Variants in MCTP1 observed in about 807,000 individuals in gnomAD.
MCTP1 encodes the protein multiple C2 and transmembrane domain-containing protein 1.
Under a neutral mutation model 120.6 loss-of-function variants are expected in MCTP1, and 69 were observed. That is an observed-to-expected ratio of 0.57 (90% confidence interval 0.47 to 0.70). The LOEUF (loss-of-function observed/expected upper bound fraction) is 0.70. Ranked by LOEUF, MCTP1 falls within the 30% of genes least tolerant of loss-of-function variation. The pLI is 0.00. For missense variants in MCTP1, 1,203 were observed against 1,248.8 expected, an observed-to-expected ratio of 0.96 and a Z score of 0.55; for synonymous variants, 529 against 493.1, an observed-to-expected ratio of 1.07 and a Z score of -0.96.
chr5:95,182,026 T>C (rs1473030684), intron 1 of MCTP1, among the ~76,000 whole-genome samples: 1 of 151,894 alleles, frequency 6.6e-6, no homozygotes, highest in Non-Finnish European at 1.5e-5. Flanking sequence ...AAACAACAAA[T>C]GATAACACAA....
chr5:94,728,286 A>C (rs1403097421), intron 19 of MCTP1, among the ~76,000 whole-genome samples: 1 of 152,202 alleles, frequency 6.6e-6, no homozygotes, highest in African/African-American at 2.4e-5. Flanking sequence ...CTATTGGTTT[A>C]ACAGGATAAA....
intron 17 of MCTP1, chr5:94,826,376 G>A: frequency 1.7e-6 from 1 of 595,112 alleles, no homozygotes; most frequent in South Asian, 1.6e-5. Context: ...AGCTGCAACA[G>A]CTTTCAGACC....
intron 1 of MCTP1, among the ~76,000 whole-genome samples, chr5:95,190,005 A>G (rs1320672803): frequency 2.0e-5 from 3 of 152,138 alleles, no homozygotes; most frequent in African/African-American, 4.8e-5. Flanking sequence ...GGAGAGACGT[A>G]TATATATGCA....
At chr5:95,269,140 A>G (rs1759156352) in intron 1 of MCTP1, among the ~76,000 whole-genome samples, 1 of 152,228 alleles carries the variant, frequency 6.6e-6, no homozygotes, top group Admixed American at 6.5e-5. Flanking sequence ...TAATGTCTGC[A>G]AATCAATTAA....
rs114363703 is a variant in MCTP1 at position 95,079,739 on chromosome 5, T to C, written c.721-62255A>G. Among the ~76,000 whole-genome samples the C allele has an allele frequency of 6.9e-3, 1,044 of 152,036 alleles. 10 individuals are homozygous for C. Among genetic ancestry groups the C allele is most frequent in the African/African-American group, 0.023 (944 of 41,554 alleles). ...ATTTAATAAAAAATATTTTATATTT[T>C]TTATTAAAATAAATGGTGATCATGT... On this transcript the variant is annotated intron_variant, in intron 1 of 22. Coordinates refer to ENST00000515393, the MANE Select transcript of MCTP1 (RefSeq NM_024717.7).
intron 17 of MCTP1, among the ~76,000 whole-genome samples, chr5:94,828,218 C>G (rs994835154): frequency 7.9e-5 from 12 of 152,240 alleles, no homozygotes; most frequent in African/African-American, 2.9e-4. Context: ...TCAGGCTCCT[C>G]TTCTGCAGGT....
chr5:94,986,012 T>C (rs899042839), intron 2 of MCTP1, among the ~76,000 whole-genome samples: 1 of 152,188 alleles, frequency 6.6e-6, no homozygotes, highest in Non-Finnish European at 1.5e-5. Flanking sequence ...TGTTTGTGAT[T>C]GACATATGGA....
chr5:95,156,118 G>A (rs1031453958), intron 1 of MCTP1, among the ~76,000 whole-genome samples: 1 of 152,286 alleles, frequency 6.6e-6, no homozygotes, highest in Admixed American at 6.5e-5. Context: ...GCTTGGAAGA[G>A]GACTCTGAAC....
intron 1 of MCTP1, among the ~76,000 whole-genome samples, chr5:95,119,318 G>A (rs1758037157): frequency 1.3e-5 from 2 of 152,030 alleles, no homozygotes; most frequent in Admixed American, 6.5e-5. Flanking sequence ...GAAAGAAAAT[G>A]GAAAAATTTA....
intron 19 of MCTP1, among the ~76,000 whole-genome samples, chr5:94,733,793 G>A (rs575186211): frequency 1.3e-4 from 19 of 151,920 alleles, no homozygotes; most frequent in South Asian, 2.1e-4. Context: ...GTGAAACCCC[G>A]TCTCTACTAA....
chr5:94,868,282 T>A, intron 17 of MCTP1, 51 bp downstream of exon 17: 1 of 1,510,200 alleles, frequency 6.6e-7, no homozygotes. Flanking sequence ...CATGCAGCTA[T>A]GATTACTGAA....
intron 19 of MCTP1, among the ~76,000 whole-genome samples, chr5:94,764,821 C>A: frequency 7.7e-6 from 1 of 130,560 alleles, no homozygotes. Flanking sequence ...GGATAGATGA[C>A]CTGGACCAAA....
intron 1 of MCTP1, among the ~76,000 whole-genome samples, chr5:95,183,865 C>G (rs996795226): frequency 3.9e-5 from 6 of 152,142 alleles, no homozygotes; most frequent in African/African-American, 1.4e-4. Flanking sequence ...AAACTTGCTA[C>G]AGTGTTCTTT....
rs35673869 is a variant in MCTP1, at chr5:95,104,128, G to A, written c.721-86644C>T. Among the ~76,000 whole-genome samples the A allele has an allele frequency of 4.5e-3, 689 of 152,194 alleles. 3 individuals are homozygous for A. Among genetic ancestry groups the A allele is most frequent in the Non-Finnish European group, 7.2e-3 (488 of 68,010 alleles). ...AATACAATTACTTATTCTATAACCTGAGCCCAACAGAATTAAATCATAAGC... is the reference window on the plus strand; with the variant it reads ...AATACAATTACTTATTCTATAACCTAAGCCCAACAGAATTAAATCATAAGC... On this transcript the variant is annotated intron_variant, in intron 1 of 22. Transcript: ENST00000515393.
At chr5:95,146,601 A>T (rs1020922584) in intron 1 of MCTP1, among the ~76,000 whole-genome samples, 9 of 152,144 alleles carry the variant, frequency 5.9e-5, no homozygotes, top group Non-Finnish European at 2.9e-5. Flanking sequence ...CATTAATTTT[A>T]AAGATTTTTT....
chr5:95,130,515 G>A (rs923427129), intron 1 of MCTP1, among the ~76,000 whole-genome samples: 2 of 152,204 alleles, frequency 1.3e-5, no homozygotes, highest in Non-Finnish European at 2.9e-5. Context: ...TTATTTTTCA[G>A]TGTATTAGTT....
At chr5:95,065,931 C>CT (rs1490648600) in intron 1 of MCTP1, among the ~76,000 whole-genome samples, 1 of 152,062 alleles carries the variant, frequency 6.6e-6, no homozygotes, top group Non-Finnish European at 1.5e-5. Context: ...AAGAAAAATG[C>CT]TTTTTTATAT....
intron 1 of MCTP1, among the ~76,000 whole-genome samples, chr5:95,141,003 G>A (rs1241853267): frequency 6.6e-6 from 1 of 151,414 alleles, no homozygotes; most frequent in Non-Finnish European, 1.5e-5. Flanking sequence ...CATAAGACAA[G>A]TCCAAGAAAC....
chr5:94,887,855 T>C (rs181060089), intron 12 of MCTP1, among the ~76,000 whole-genome samples: 191 of 152,334 alleles, frequency 1.3e-3, no homozygotes, highest in Non-Finnish European at 1.6e-3. Flanking sequence ...TATTTTTCAT[T>C]TGAAGGCATG....
Sources: gnomAD v4.1 joint callset for allele counts (sites outside exome capture counted in the v4.1 genomes callset) on GRCh38, gnomAD v4.1.1 for gene constraint, MANE v1.5 for transcripts, NCBI Gene and HGNC (gene_info 2026-07-23, HGNC 2026-07-21) for gene names.